L2HGDH: variants seen among roughly 807,000 people sequenced by gnomAD.
L2HGDH encodes the protein L-2-hydroxyglutarate dehydrogenase.
Under a neutral mutation model 51.5 loss-of-function variants are expected in L2HGDH, and 34 were observed. The observed-to-expected ratio is 0.66, with a 90% CI of 0.50 to 0.88. The LOEUF (loss-of-function observed/expected upper bound fraction) is 0.88, where lower values mean the gene tolerates loss of function less well. L2HGDH is among the 40% of genes least tolerant of loss of function. The probability of loss-of-function intolerance (pLI) is 0.00; values close to 1 mark genes in which losing one functional copy is unlikely to be tolerated. For missense variants in L2HGDH, 558 were observed against 571.9 expected (o/e 0.98, Z 0.25); for synonymous variants, 198 against 197.9 (o/e 1.00, Z -0.01).
chr14:50,266,901 G>A (rs995040538), intron 8 of L2HGDH, among the ~76,000 whole-genome samples: 3 of 152,120 alleles, frequency 2.0e-5, no homozygotes, highest in African/African-American at 7.2e-5. Flanking sequence ...TAAAGAATCT[G>A]CATCTTAGGT....
intron 1 of L2HGDH, among the ~76,000 whole-genome samples, chr14:50,309,549 G>A (rs1057278874): frequency 1.2e-4 from 16 of 139,030 alleles, no homozygotes; most frequent in Non-Finnish European, 1.7e-4. Flanking sequence ...GTGACAAAGC[G>A]AGACTTCGTG....
At chr14:50,300,851 G>A (rs187708390) in intron 3 of L2HGDH, among the ~76,000 whole-genome samples, 74 of 152,022 alleles carry the variant, frequency 4.9e-4, no homozygotes, top group Non-Finnish European at 9.7e-4. Context: ...TTGAGGCAAG[G>A]TCTCACTCTG....
chr14:50,311,589 C>G (rs1160662443), intron 1 of L2HGDH, among the ~76,000 whole-genome samples: 1 of 152,180 alleles, frequency 6.6e-6, no homozygotes, highest in Non-Finnish European at 1.5e-5. Flanking sequence ...AGACTGTATT[C>G]AGATCTTCCA....
rs534210390 is a variant in L2HGDH, at chr14:50,311,060, C to T, written c.140+951G>A. Among the ~76,000 whole-genome samples, 300 of 150,716 alleles carry T rather than the reference C, an allele frequency of 2.0e-3. 1 individual carries two copies. Among genetic ancestry groups the T allele is most frequent in the Non-Finnish European group, 2.6e-3 (176 of 67,818 alleles). On this transcript the variant is annotated intron_variant, in intron 1 of 9. Transcript: ENST00000267436. ...CCAGGTTCAAGCGATTCTCCTAAGG[C>T]TCCGGAGTAGTTGGGATTACAGGCG...
intron 5 of L2HGDH, among the ~76,000 whole-genome samples, chr14:50,281,871 C>T (rs545552244): frequency 3.9e-4 from 60 of 152,190 alleles, no homozygotes; most frequent in African/African-American, 1.4e-3. Flanking sequence ...GACGGAGTCT[C>T]GCTCTGTCAC....
At chr14:50,271,854 T>C (rs1889710727) in intron 6 of L2HGDH, among the ~76,000 whole-genome samples, 1 of 152,014 alleles carries the variant, frequency 6.6e-6, no homozygotes, top group African/African-American at 2.4e-5. Flanking sequence ...ATTTTAAAAA[T>C]CCCTGGCCAG....
At chr14:50,279,788 T>C (rs909074633) in intron 5 of L2HGDH, among the ~76,000 whole-genome samples, 5 of 151,956 alleles carry the variant, frequency 3.3e-5, no homozygotes, top group African/African-American at 1.2e-4. Context: ...AGGCTGAGCA[T>C]GGTGGCTTAC....
chr14:50,267,433 C>T (rs1417795705), intron 8 of L2HGDH, among the ~76,000 whole-genome samples: 7 of 152,274 alleles, frequency 4.6e-5, no homozygotes, highest in Non-Finnish European at 7.3e-5. Context: ...CCACCTGCCT[C>T]GGCCTCCCAG....
At position 50,245,358 on chromosome 14, in the gene L2HGDH, A is replaced by G; in HGVS notation, c.*1700T>C. 1 of 985,406 alleles carries G rather than the reference A, an allele frequency of 1.0e-6. No individual in the cohort carries two copies. Among genetic ancestry groups the G allele is most frequent in the Non-Finnish European group, 1.2e-6 (1 of 829,918 alleles). 61.0% of individuals were successfully genotyped at this position (985,406 alleles called of 1,614,324 possible). On this transcript the variant is annotated 3_prime_UTR_variant, in exon 10 of 10. Transcript: ENST00000267436. ...CATAAAAATCTGTCTCTTCTAAGTTATTTCAGTTCTCAGCCACAGAGATTG... is the reference window on the plus strand; with the variant it reads ...CATAAAAATCTGTCTCTTCTAAGTTGTTTCAGTTCTCAGCCACAGAGATTG...
chr14:50,293,193 C>T (rs2029870058), intron 4 of L2HGDH: 1 of 701,658 alleles, frequency 1.4e-6, no homozygotes, highest in South Asian at 1.5e-5. Context: ...CAGACATAGA[C>T]CCGCCACATA....
chr14:50,294,336 G>C, intron 3 of L2HGDH, 90 bp from the exon 4 acceptor site: 2 of 1,341,614 alleles, frequency 1.5e-6, no homozygotes, highest in South Asian at 1.2e-5. Flanking sequence ...ATCAACTATT[G>C]TATGACCCAA....
At chr14:50,266,196 G>A (rs1889321740) in intron 8 of L2HGDH, among the ~76,000 whole-genome samples, 1 of 151,336 alleles carries the variant, frequency 6.6e-6, no homozygotes, top group Admixed American at 6.6e-5. Flanking sequence ...AATTCCCAAG[G>A]AGTGCTGGTT....
chr14:50,310,648 G>A (rs1275694222), intron 1 of L2HGDH, among the ~76,000 whole-genome samples: 1 of 152,056 alleles, frequency 6.6e-6, no homozygotes, highest in African/African-American at 2.4e-5. Context: ...AGGCTGCAGT[G>A]AGCTATGATT....
At chr14:50,311,522 A>G (rs2031181775) in intron 1 of L2HGDH, 1 of 455,244 alleles carries the variant, frequency 2.2e-6, no homozygotes. Context: ...TTTCATTAGC[A>G]TAAGAGCTGC....
chr14:50,283,775 A>G (rs1890406477), intron 5 of L2HGDH, 96 bp downstream of exon 5: 1 of 1,022,750 alleles, frequency 9.8e-7, no homozygotes, highest in Non-Finnish European at 1.5e-6. Context: ...TTTTTTCCCA[A>G]ATATTTTTCA....
chr14:50,285,325 C>A (rs565636672), intron 4 of L2HGDH, among the ~76,000 whole-genome samples: 1 of 152,276 alleles, frequency 6.6e-6, no homozygotes, highest in African/African-American at 2.4e-5. Flanking sequence ...GTAAAGACTC[C>A]CAAAACATCA....
At chr14:50,279,745 C>T (rs1224896411) in intron 5 of L2HGDH, among the ~76,000 whole-genome samples, 1 of 151,726 alleles carries the variant, frequency 6.6e-6, no homozygotes, top group Non-Finnish European at 1.5e-5. Flanking sequence ...AAGATTGCTT[C>T]GATCCCTTTC....
intron 9 of L2HGDH, among the ~76,000 whole-genome samples, chr14:50,263,598 A>G (rs1355571828): frequency 6.6e-6 from 1 of 152,116 alleles, no homozygotes; most frequent in East Asian, 1.9e-4. Context: ...AAATTCATGG[A>G]GGGATGGATT....
At chr14:50,295,844 T>C (rs1480003739) in intron 3 of L2HGDH, among the ~76,000 whole-genome samples, 1 of 151,476 alleles carries the variant, frequency 6.6e-6, no homozygotes, top group Non-Finnish European at 1.5e-5. Context: ...GTTCAAACGA[T>C]TCTCCTGCCT....
Sources: gnomAD v4.1 joint callset for allele counts (sites outside exome capture counted in the v4.1 genomes callset) on GRCh38, gnomAD v4.1.1 for gene constraint, MANE v1.5 for transcripts, NCBI Gene and HGNC (gene_info 2026-07-23, HGNC 2026-07-21) for gene names.